The following FRMD4B variants were observed in gnomAD, a reference collection of about 807,000 sequenced individuals.
FRMD4B encodes the protein FERM domain-containing protein 4B.
In FRMD4B, 74 loss-of-function variants were observed where a neutral mutation model predicts 141.5. The ratio of observed to expected loss-of-function variants is 0.52; its 90% CI spans 0.43 to 0.63. The LOEUF (loss-of-function observed/expected upper bound fraction) is 0.63. Among genes scored for constraint, FRMD4B ranks in the 30% least tolerant of loss-of-function variants. The pLI is 0.00. For synonymous variants in FRMD4B, 506 were observed against 467.9 expected (o/e 1.08, Z -1.05); for missense variants, 1,366 against 1,253.4 (o/e 1.09, Z -1.36).
Position 69,338,225 on chromosome 3 carries a change from C to T in FRMD4B, c.163-24708G>A, listed in dbSNP as rs139171362. Among the ~76,000 whole-genome samples the T allele has an allele frequency of 3.9e-5, 6 of 152,266 alleles. No individual in the cohort carries two copies. In the East Asian group the frequency reaches 9.7e-4, roughly 25 times the overall value. On this transcript the variant is annotated intron_variant, in intron 1 of 22. Coordinates refer to ENST00000398540, the MANE Select transcript of FRMD4B (RefSeq NM_015123.3). ...CGCAAGGACAAAAAACCAAACTCCA[C>T]GTGTTCTCATTCATAGGTGGGAATT...
chr3:69,428,549 T>C (rs1705124022), intron 2 of FRMD4B, among the ~76,000 whole-genome samples: 1 of 151,898 alleles, frequency 6.6e-6, no homozygotes, highest in Non-Finnish European at 1.5e-5. Flanking sequence ...ACTTTTGTTT[T>C]AGATCCTGAG....
chr3:69,261,063 A>G lies in FRMD4B; in HGVS notation c.502-10964T>C, dbSNP rs552157088. ...GGAATAAAAGCAGGTTGCCAGAGCC[A>G]GATTTCGCAACCTGCTTGGGTCACT... On this transcript the variant is annotated intron_variant, in intron 5 of 22. Transcript: ENST00000398540. Among the ~76,000 whole-genome samples, 5 of 152,332 alleles carry G rather than the reference A, an allele frequency of 3.3e-5. No individual in the cohort carries two copies. The South Asian group carries it at 1.0e-3, about 32-fold the overall frequency.
rs149164743 is a variant in FRMD4B, at chr3:69,435,503, C to T, written c.-128-2742G>A. 4.5e-4 allele frequency among the ~76,000 whole-genome samples: 69 copies of T among 152,308 alleles called. 1 individual carries two copies. The highest frequency in any genetic ancestry group is 1.6e-3 in the African/African-American group (65 of 41,572). ...AAGTTTTATTGGCACACAGCCATGT[C>T]TATTCATTTATGTATTGATTGTCTA... On this transcript the variant is annotated intron_variant, in intron 1 of 5. Transcript: ENST00000459638.
intron 1 of FRMD4B, among the ~76,000 whole-genome samples, chr3:69,513,423 C>A (rs1023294552): frequency 6.6e-6 from 1 of 152,246 alleles, no homozygotes; most frequent in South Asian, 2.1e-4. Flanking sequence ...AACCTCCCAA[C>A]AAAGAAAAGC....
chr3:69,378,780 G>C (rs1704039522), intron 1 of FRMD4B, among the ~76,000 whole-genome samples: 1 of 151,236 alleles, frequency 6.6e-6, no homozygotes, highest in Non-Finnish European at 1.5e-5. Context: ...AAATCTCTCT[G>C]TCTTTGTCTC....
At chr3:69,380,674 C>T (rs570376375) in intron 1 of FRMD4B, among the ~76,000 whole-genome samples, 3 of 152,294 alleles carry the variant, frequency 2.0e-5, no homozygotes, top group Non-Finnish European at 4.4e-5. Context: ...CTCTATGCTA[C>T]CCCCTCAGGG....
intron 1 of FRMD4B, chr3:69,471,328 T>C (rs9828963): frequency 0.21 from 36,306 of 173,348 alleles, 5,201 homozygotes; most frequent in African/African-American, 0.43. Context: ...TAAACACTGA[T>C]CATGAAGGGT....
chr3:69,343,313 A>G (rs1219743146), intron 1 of FRMD4B, among the ~76,000 whole-genome samples: 1 of 152,138 alleles, frequency 6.6e-6, no homozygotes, highest in Non-Finnish European at 1.5e-5. Flanking sequence ...CAGTTTGTCA[A>G]TGACAAAGTA....
At chr3:69,362,099 T>C (rs185350678) in intron 1 of FRMD4B, among the ~76,000 whole-genome samples, 14 of 152,328 alleles carry the variant, frequency 9.2e-5, no homozygotes, top group Middle Eastern at 3.4e-3. Flanking sequence ...TGCACAGGTA[T>C]AGGTTTAGGT....
rs572103707 is a variant in FRMD4B at position 69,289,102 on chromosome 3, T to C, written c.417-1266A>G. 1.9e-4 allele frequency among the ~76,000 whole-genome samples: 29 copies of C among 152,266 alleles called. No individual in the cohort carries two copies. The South Asian group carries it at 4.6e-3, about 24-fold the overall frequency. The stretch of plus-strand genomic sequence containing the variant: ...TGAAGATGGAGGAGTGTCAGATTTA[T>C]GAGAAGAGAAAGTTAAGTACAAAGG... On this transcript the variant is annotated intron_variant, in intron 4 of 22. Transcript: ENST00000398540.
chr3:69,364,285 C>G (rs1285017196), intron 1 of FRMD4B, among the ~76,000 whole-genome samples: 1 of 152,222 alleles, frequency 6.6e-6, no homozygotes, highest in Non-Finnish European at 1.5e-5. Context: ...AAGACAGGAA[C>G]ATGCAAGTTT....
At chr3:69,219,632 T>C (rs909481679) in intron 9 of FRMD4B, among the ~76,000 whole-genome samples, 1 of 152,112 alleles carries the variant, frequency 6.6e-6, no homozygotes, top group African/African-American at 2.4e-5. Flanking sequence ...AATTGTTTTT[T>C]AGTTTCCAGG....
chr3:69,391,257 T>G (rs1037570188), intron 2 of FRMD4B, among the ~76,000 whole-genome samples: 1 of 151,080 alleles, frequency 6.6e-6, no homozygotes, highest in Non-Finnish European at 1.5e-5. Flanking sequence ...TATTTTTTTT[T>G]ATTATTATAC....
chr3:69,419,531 C>G (rs1422793003), intron 2 of FRMD4B, among the ~76,000 whole-genome samples: 1 of 152,072 alleles, frequency 6.6e-6, no homozygotes, highest in African/African-American at 2.4e-5. Context: ...GGCTCACTGG[C>G]TAGACCTGAG....
chr3:69,473,651 T>C (rs1400165132), intron 1 of FRMD4B, among the ~76,000 whole-genome samples: 1 of 152,212 alleles, frequency 6.6e-6, no homozygotes, highest in Non-Finnish European at 1.5e-5. Context: ...GAAGATTTAA[T>C]TGGTGGCTTA....
chr3:69,475,292 C>T (rs9873983), intron 1 of FRMD4B, among the ~76,000 whole-genome samples: 1 of 151,330 alleles, frequency 6.6e-6, no homozygotes, highest in African/African-American at 2.4e-5. Flanking sequence ...TGCCATGCTG[C>T]TGTGCTGCAC....
At chr3:69,277,189 A>G (rs1049691049) in intron 5 of FRMD4B, among the ~76,000 whole-genome samples, 2 of 152,294 alleles carry the variant, frequency 1.3e-5, no homozygotes, top group African/African-American at 4.8e-5. Flanking sequence ...CAAAGACATG[A>G]GTACTTACTA....
At chr3:69,238,290 T>A (rs935013751) in intron 7 of FRMD4B, among the ~76,000 whole-genome samples, 1 of 152,216 alleles carries the variant, frequency 6.6e-6, no homozygotes, top group Non-Finnish European at 1.5e-5. Flanking sequence ...GCCTATGATT[T>A]GCAGTAATAC....
At chr3:69,296,424 C>G (rs1701037170) in intron 4 of FRMD4B, among the ~76,000 whole-genome samples, 1 of 151,874 alleles carries the variant, frequency 6.6e-6, no homozygotes, top group Non-Finnish European at 1.5e-5. Context: ...TTCTTGAGCT[C>G]TTGTGTGAAT....
Sources: gnomAD v4.1 joint callset for allele counts (sites outside exome capture counted in the v4.1 genomes callset) on GRCh38, gnomAD v4.1.1 for gene constraint, MANE v1.5 for transcripts, NCBI Gene and HGNC (gene_info 2026-07-23, HGNC 2026-07-21) for gene names.